Variants in CUL9 observed in about 807,000 individuals in gnomAD.
CUL9 encodes cullin-9.
Under a neutral mutation model 272.6 loss-of-function variants are expected in CUL9, and 79 were observed. The observed-to-expected ratio is 0.29, with a 90% CI of 0.24 to 0.35. The LOEUF (loss-of-function observed/expected upper bound fraction) is 0.35, where lower values mean the gene tolerates loss of function less well. CUL9 is among the 10% of genes least tolerant of loss of function. The pLI is 1.00. For missense variants in CUL9, 2,532 were observed against 3,255.6 expected, an observed-to-expected ratio of 0.78 and a Z score of 5.41; for synonymous variants, 1,186 against 1,286.5, an observed-to-expected ratio of 0.92 and a Z score of 1.67.
In CUL9 at chr6:43,199,317, C is replaced by T. The variant is rs76034476; in HGVS notation, c.3102C>T (p.His1034=). ...CTGAGGCAATGGTCCTCCCCTGGCA[C>T]GAGGTCTTGGAGCCCTGCCTCAACT... ...DFPEAMVLPW[H]EVLEPCLNCL... Residue 1034 remains histidine (H), a synonymous_variant, in exon 13 of 41, where the codon CAC becomes CAT. Coordinates refer to ENST00000252050, the MANE Select transcript of CUL9 (RefSeq NM_015089.4). This position sits in a 1 kb window ranked among gnomAD's most constrained non-coding sequence, Gnocchi z 4.4. 954 of 1,613,700 alleles carry T rather than the reference C, an allele frequency of 5.9e-4. 1 individual carries two copies. In the African/African-American group the frequency reaches 8.5e-3, roughly 14 times the overall value.
intron 26 of CUL9, among the ~76,000 whole-genome samples, chr6:43,207,225 C>T: frequency 6.6e-6 from 1 of 152,188 alleles, no homozygotes; most frequent in Non-Finnish European, 1.5e-5. Context: ...TATCTACCTC[C>T]CTCATACCCC....
chr6:43,222,548 G>T lies in CUL9; in HGVS notation c.6939G>T (p.Leu2313Phe). The change falls in exon 37 of 41, where the codon TTG (leucine) becomes TTT (phenylalanine). Residue 2313 changes from leucine to phenylalanine, a missense_variant. Leu to Phe is a conservative substitution (Grantham distance 22). This residue lies in a region of CUL9 where 237 missense variants were observed against 305.9 expected (regional missense o/e 0.77). Transcript: ENST00000252050. ...HHQAREFAVN[L>F]RNRVSAIHEV... is the part of the protein sequence containing the mutation. ...CCACACAGGAGTTTGCTGTGAACTT[G>T]CGGAACCGGGTGTCTGCCATCCATG... 1 of 1,613,930 alleles carries T rather than the reference G, an allele frequency of 6.2e-7. No individual in the cohort carries two copies. The highest frequency in any genetic ancestry group is 8.5e-7 in the Non-Finnish European group (1 of 1,180,032).
At chr6:43,210,770 T>G (rs116620463) in intron 26 of CUL9, among the ~76,000 whole-genome samples, 3,296 of 152,200 alleles carry the variant, frequency 0.022, 45 homozygotes, top group Middle Eastern at 0.041. Context: ...AATTAATTTA[T>G]TATTAATTAA....
chr6:43,216,085 C>G (rs1775906789), intron 30 of CUL9, 73 bp from the exon 31 acceptor site: 3 of 1,392,154 alleles, frequency 2.2e-6, no homozygotes, highest in Non-Finnish European at 3.0e-6. Flanking sequence ...GAGCTGGGGG[C>G]CAGGTGGGGT....
chr6:43,201,465 G>A (rs1270106856), intron 16 of CUL9, among the ~76,000 whole-genome samples: 2 of 152,114 alleles, frequency 1.3e-5, no homozygotes, highest in Non-Finnish European at 2.9e-5. Flanking sequence ...TGAAAGCTGT[G>A]TATATCTTTA....
chr6:43,188,504 C>A lies in CUL9; in HGVS notation c.1988-19C>A. On this transcript the variant is annotated intron_variant, in intron 7 of 40. Coordinates refer to ENST00000252050, the MANE Select transcript of CUL9 (RefSeq NM_015089.4). Reference sequence around the variant, plus strand: ...GTGCCACAGTTCTTTTAGCCATTGCCTTTTCCCACCAATTTCAGAAATGGC... The same window carrying A: ...GTGCCACAGTTCTTTTAGCCATTGCATTTTCCCACCAATTTCAGAAATGGC... 1 of 1,572,882 alleles carries A rather than the reference C, an allele frequency of 6.4e-7. No homozygotes were observed. Among genetic ancestry groups the A allele is most frequent in the Non-Finnish European group, 8.6e-7 (1 of 1,160,206 alleles).
rs751927367 is a variant in CUL9, at chr6:43,204,852, G to A, written c.4444G>A (p.Glu1482Lys). The change falls in exon 22 of 41, where the codon GAG becomes AAG. Residue 1482 changes from glutamate (E) to lysine (K), a missense_variant. By Grantham distance (56) the Glu-to-Lys change is moderately conservative. Transcript: ENST00000252050. ...CCAGTGCTGGCTGAGCGTGGTGCAG[G>A]AGCAGGTGGGCAGAAGCAAGCAGAA... ...ITQCWLSVVQEQVSRFLAAAW... is the reference protein window; with the variant it reads ...ITQCWLSVVQKQVSRFLAAAW... 2 of 1,614,072 alleles carry A rather than the reference G, an allele frequency of 1.2e-6. No individual in the cohort carries two copies. The highest frequency in any genetic ancestry group is 2.7e-5 in the African/African-American group (2 of 74,942).
chr6:43,190,298 G>GTT (rs59636393), intron 8 of CUL9, among the ~76,000 whole-genome samples: 9 of 142,172 alleles, frequency 6.3e-5, no homozygotes, highest in African/African-American at 2.3e-4. Context: ...CATTTGTTCT[G>GTT]TTTTTTTTTT....
In CUL9 at chr6:43,187,391, G is replaced by C; in HGVS notation, c.1533G>C (p.Leu511Phe). ...TTTTCTTTATCAAAAAGTTGGACTT[G>C]TGTGAGCAGCAGCCAATTTTCCAGA... The part of the protein sequence containing the change: ...ELLFFIKKLD[L>F]CEQQPIFQNL... Residue 511 changes from leucine (L) to phenylalanine (F), a missense_variant, in exon 6 of 41, where the codon TTG (leucine) becomes TTC (phenylalanine). Physicochemically the swap from Leu to Phe is conservative, Grantham distance 22. Transcript: ENST00000252050. 1.2e-6 allele frequency: 2 copies of C among 1,614,124 alleles called. No individual in the cohort carries two copies. Among genetic ancestry groups the C allele is most frequent in the Non-Finnish European group, 1.7e-6 (2 of 1,180,006 alleles).
In CUL9 at chr6:43,196,664, A is replaced by G; in HGVS notation, c.2605A>G (p.Asn869Asp). ...NTEGCSSAARNGLLLLNLLLC... is the reference protein window; with the variant it reads ...NTEGCSSAARDGLLLLNLLLC... ...TCCCAGGTGCTCTTCTGCAGCGAGA[A>G]ATGGCTTACTCCTGCTCAACCTACT... The change falls in exon 11 of 41, where the codon AAT becomes GAT. Residue 869 changes from asparagine to aspartate, a missense_variant. Transcript: ENST00000252050. 6.2e-7 allele frequency: 1 copy of G among 1,614,170 alleles called. No individual in the cohort carries two copies. Among genetic ancestry groups the G allele is most frequent in the Non-Finnish European group, 8.5e-7 (1 of 1,180,010 alleles).
rs1449498240 is a variant in CUL9, at chr6:43,223,739, G to C, written c.7284+342G>C. On this transcript the variant is annotated intron_variant, in intron 39 of 40. Transcript: ENST00000252050. This position sits in a 1 kb window ranked among gnomAD's most constrained non-coding sequence, Gnocchi z 4.1. Reference sequence around the variant, plus strand: ...CCTAAGAGTGGGCATCAGGGGATTGGGGTCACTGGAGCAAGGGCTCTCCCA... The same window carrying C: ...CCTAAGAGTGGGCATCAGGGGATTGCGGTCACTGGAGCAAGGGCTCTCCCA... The C allele has an allele frequency of 3.2e-5, 16 of 498,416 alleles. No individual in the cohort carries two copies. The highest frequency in any genetic ancestry group is 4.7e-5 in the Non-Finnish European group (13 of 275,298). 30.9% of individuals were successfully genotyped at this position (498,416 alleles called of 1,614,324 possible).
At chr6:43,215,357 G>A in intron 30 of CUL9, 31 bp downstream of exon 30, 1 of 1,566,002 alleles carries the variant, frequency 6.4e-7, no homozygotes, top group Non-Finnish European at 8.6e-7. Flanking sequence ...CTTGCAGTGA[G>A]GCGGGAGAGG....
intron 8 of CUL9, among the ~76,000 whole-genome samples, chr6:43,192,486 CAT>C (rs765734841): frequency 9.9e-5 from 15 of 152,166 alleles, no homozygotes; most frequent in African/African-American, 3.6e-4. Flanking sequence ...GTCTGGGAAA[CAT>C]AGCGAAACCC....
intron 8 of CUL9, among the ~76,000 whole-genome samples, chr6:43,191,715 G>C (rs1292320137): frequency 6.6e-6 from 1 of 151,634 alleles, no homozygotes; most frequent in African/African-American, 2.4e-5. Flanking sequence ...CTCCTGAATA[G>C]CTGGGATTAC....
In CUL9 at chr6:43,184,361, G is replaced by A. The variant is rs370789748; in HGVS notation, c.51G>A (p.Arg17=). ...ACCTCATGGTGCCCTTAGGGCCTCG[G>A]CTGCAGGCATATCCTGAAGAACTCA... The part of the protein sequence containing the change: ...AGDLMVPLGP[R]LQAYPEELIR... The change falls in exon 2 of 41, where the codon CGG becomes CGA. Residue 17 remains arginine, a synonymous_variant. Coordinates refer to ENST00000252050, the MANE Select transcript of CUL9 (RefSeq NM_015089.4). The surrounding 1 kb of genome is among the most constrained non-coding windows in gnomAD (Gnocchi z 4.8). 14 of 1,593,342 alleles carry A rather than the reference G, an allele frequency of 8.8e-6. No homozygotes were observed. Among genetic ancestry groups the A allele is most frequent in the South Asian group, 2.3e-5 (2 of 88,504 alleles).
Position 43,196,206 on chromosome 6 carries a change from C to G in CUL9, c.2526C>G (p.Gly842=), listed in dbSNP as rs975605134. The change falls in exon 10 of 41, where the codon GGC becomes GGG. Residue 842 remains glycine (G), a synonymous_variant. Transcript: ENST00000252050. ...FASIDSATRP[G]SESLLLTVPA... The stretch of plus-strand genomic sequence containing the variant: ...GCATCGACTCAGCCACACGCCCGGG[C>G]TCTGAGAGCCTGCTCCTCACTGTCC... 3 of 1,614,080 alleles carry G rather than the reference C, an allele frequency of 1.9e-6. No homozygotes were observed. Among genetic ancestry groups the G allele is most frequent in the Non-Finnish European group, 2.5e-6 (3 of 1,180,056 alleles).
At chr6:43,219,754 G>T (rs1272147538) in intron 31 of CUL9, among the ~76,000 whole-genome samples, 1 of 152,176 alleles carries the variant, frequency 6.6e-6, no homozygotes, top group Non-Finnish European at 1.5e-5. Flanking sequence ...ACGGCTGCTC[G>T]TGCATAGACC....
chr6:43,186,290 C>A lies in CUL9; in HGVS notation c.1086C>A (p.Val362=). Residue 362 remains valine, a synonymous_variant, in exon 4 of 41, where the codon GTC becomes GTA. Transcript: ENST00000252050. The stretch of plus-strand genomic sequence containing the variant: ...CCACCCCCAGAAGACAAGGGTGGGT[C>A]TTCCGCCAGCGCTCTGAATTCTCCA... ...IVTTPRRQGW[V]FRQRSEFSSR... is the part of the protein sequence containing the mutation. 2 of 1,614,230 alleles carry A rather than the reference C, an allele frequency of 1.2e-6. No individual in the cohort carries two copies. The highest frequency in any genetic ancestry group is 1.7e-6 in the Non-Finnish European group (2 of 1,180,050).
rs1476593449 is a variant in CUL9 at position 43,200,513 on chromosome 6, G to A, written c.3462G>A (p.Arg1154=). The A allele has an allele frequency of 1.2e-6, 2 of 1,613,942 alleles. No homozygotes were observed. The highest frequency in any genetic ancestry group is 1.7e-6 in the Non-Finnish European group (2 of 1,180,018). ...TCCCCTTCTTTGATGTGTTCCTCAG[G>A]CATCTCTGCCAGGGTTAGTGCCCTC... ...INIPFFDVFL[R]HLCQGSSVEV... is the part of the protein sequence containing the mutation. The change falls in exon 15 of 41, where the codon AGG becomes AGA. Residue 1154 remains arginine, a synonymous_variant. Transcript: ENST00000252050. The surrounding 1 kb of genome is among the most constrained non-coding windows in gnomAD (Gnocchi z 4.0).
Sources: allele counts gnomAD v4.1 joint callset (sites outside exome capture counted in the v4.1 genomes callset), GRCh38; gene constraint gnomAD v4.1.1; regional missense constraint gnomAD v4.1.1; non-coding constraint Gnocchi (gnomAD v3.1); transcripts MANE v1.5; gene names NCBI Gene and HGNC (gene_info 2026-07-23, HGNC 2026-07-21).